FRMD4B: variants seen among roughly 807,000 people sequenced by gnomAD.
FRMD4B encodes FERM domain-containing protein 4B.
In FRMD4B, 74 loss-of-function variants were observed where a neutral mutation model predicts 141.5. That is an observed-to-expected ratio of 0.52 (90% CI 0.43 to 0.63). The LOEUF is 0.63. Among genes scored for constraint, FRMD4B ranks in the 30% least tolerant of loss-of-function variants. The pLI is 0.00. For missense variants in FRMD4B, 1,366 were observed against 1,253.4 expected (o/e 1.09, Z -1.36); for synonymous variants, 506 against 467.9 (o/e 1.08, Z -1.05).
chr3:69,285,239 CA>C lies in FRMD4B; in HGVS notation c.501+2512del, dbSNP rs560305754. Among the ~76,000 whole-genome samples, 447 of 122,532 alleles carry C rather than the reference CA, an allele frequency of 3.6e-3. 3 individuals carry two copies. The highest frequency in any genetic ancestry group is 0.011 in the African/African-American group (404 of 37,024). The allele number at this position is 122,532 out of a possible 152,430, so 80.4% of individuals were successfully genotyped here. On this transcript the variant is annotated intron_variant, in intron 5 of 22. Coordinates refer to ENST00000398540, the MANE Select transcript of FRMD4B (RefSeq NM_015123.3). ...ATGGGATTAATGGCAGATTAGATTG[CA>C]AAAAACAGATGAGGGAAACTGAAGA... is the stretch of plus-strand genomic sequence containing the variant.
At chr3:69,410,279 C>T (rs919004904) in intron 2 of FRMD4B, among the ~76,000 whole-genome samples, 2 of 152,182 alleles carry the variant, frequency 1.3e-5, no homozygotes, top group African/African-American at 4.8e-5. Flanking sequence ...CTCTGAAATT[C>T]CACTAAGTCT....
intron 8 of FRMD4B, among the ~76,000 whole-genome samples, chr3:69,222,977 A>G (rs72932160): frequency 1.3e-5 from 2 of 152,330 alleles, no homozygotes; most frequent in African/African-American, 4.8e-5. Context: ...GTTAGGCATT[A>G]AAGACTTTCT....
intron 2 of FRMD4B, among the ~76,000 whole-genome samples, chr3:69,393,918 A>T (rs1559844639): frequency 6.6e-6 from 1 of 152,230 alleles, no homozygotes; most frequent in Non-Finnish European, 1.5e-5. Flanking sequence ...AAAAGCATTT[A>T]TGGCAGCATT....
At chr3:69,336,185 G>A (rs192720734) in intron 1 of FRMD4B, among the ~76,000 whole-genome samples, 59 of 152,326 alleles carry the variant, frequency 3.9e-4, no homozygotes, top group Non-Finnish European at 7.5e-4. Context: ...TGGTCACCAA[G>A]AGGGAGAGAA....
chr3:69,267,636 TAGAGAGAGAGAGAGAGAG>T (rs55659743), intron 5 of FRMD4B, among the ~76,000 whole-genome samples: 68 of 32,894 alleles, frequency 2.1e-3, no homozygotes, highest in South Asian at 4.3e-3. Context: ...TATATATATA[TAGAGAGAGAGAGAGAGAG>T]AGAGAGAGAG....
At chr3:69,217,403 C>G (rs781679694) in intron 10 of FRMD4B, among the ~76,000 whole-genome samples, 5 of 151,894 alleles carry the variant, frequency 3.3e-5, no homozygotes, top group Non-Finnish European at 5.9e-5. Flanking sequence ...GGTGGATCAC[C>G]TGAGGTCAGG....
chr3:69,178,346 A>G (rs75165592), intron 21 of FRMD4B, among the ~76,000 whole-genome samples: 2,006 of 152,240 alleles, frequency 0.013, 27 homozygotes, highest in Middle Eastern at 0.024. Flanking sequence ...GCCATTTCCA[A>G]ACTGAAATCA....
chr3:69,174,463 C>G (rs955262916), intron 22 of FRMD4B, among the ~76,000 whole-genome samples: 6 of 152,142 alleles, frequency 3.9e-5, no homozygotes, highest in African/African-American at 1.4e-4. Context: ...AAAATGTTAA[C>G]AGCTGCTTTC....
At chr3:69,370,362 G>A (rs1703791466) in intron 1 of FRMD4B, among the ~76,000 whole-genome samples, 1 of 152,228 alleles carries the variant, frequency 6.6e-6, no homozygotes, top group Admixed American at 6.5e-5. Context: ...GGGCTGACAA[G>A]AACTGCAGAA....
chr3:69,321,875 TG>T (rs1702011728), intron 1 of FRMD4B, among the ~76,000 whole-genome samples: 1 of 152,136 alleles, frequency 6.6e-6, no homozygotes. Context: ...CCACCACACC[TG>T]GCTAATTTTT....
At chr3:69,519,984 C>G (rs1288815303) in intron 1 of FRMD4B, among the ~76,000 whole-genome samples, 1 of 123,674 alleles carries the variant, frequency 8.1e-6, no homozygotes, top group Non-Finnish European at 1.6e-5. Context: ...CTTTTTGTGG[C>G]TGAGTAGTAT....
intron 1 of FRMD4B, among the ~76,000 whole-genome samples, chr3:69,452,783 C>A (rs1705521530): frequency 6.6e-6 from 1 of 152,128 alleles, no homozygotes; most frequent in African/African-American, 2.4e-5. Flanking sequence ...AACTGTCTAG[C>A]AGAAACATAA....
At chr3:69,467,271 T>C (rs1228198478) in intron 1 of FRMD4B, among the ~76,000 whole-genome samples, 1 of 152,146 alleles carries the variant, frequency 6.6e-6, no homozygotes, top group African/African-American at 2.4e-5. Context: ...AGCTAGGAAA[T>C]ACTTCACCAA....
intron 11 of FRMD4B, among the ~76,000 whole-genome samples, chr3:69,205,963 G>C (rs2093020954): frequency 6.6e-6 from 1 of 152,216 alleles, no homozygotes; most frequent in South Asian, 2.1e-4. Flanking sequence ...GACTAGAAGA[G>C]TCAGCTGTGC....
At chr3:69,309,942 G>GAA (rs1701521619) in intron 3 of FRMD4B, among the ~76,000 whole-genome samples, 1 of 152,108 alleles carries the variant, frequency 6.6e-6, no homozygotes, top group Non-Finnish European at 1.5e-5. Flanking sequence ...ATGTGTGTGC[G>GAA]TGTTCAATCA....
At chr3:69,434,687 C>T (rs1705233684) in intron 1 of FRMD4B, among the ~76,000 whole-genome samples, 1 of 152,100 alleles carries the variant, frequency 6.6e-6, no homozygotes, top group Non-Finnish European at 1.5e-5. Context: ...ATAATTAAAG[C>T]ACTTGACTCC....
intron 1 of FRMD4B, among the ~76,000 whole-genome samples, chr3:69,518,915 G>A (rs939530877): frequency 1.3e-5 from 2 of 152,202 alleles, no homozygotes; most frequent in Non-Finnish European, 2.9e-5. Context: ...TCTGGGGGCA[G>A]TGGTTCTCAA....
intron 1 of FRMD4B, among the ~76,000 whole-genome samples, chr3:69,347,481 C>T (rs976220693): frequency 6.6e-6 from 1 of 152,150 alleles, no homozygotes; most frequent in Admixed American, 6.5e-5. Context: ...ACCAAGTGGA[C>T]CTAATAGACA....
chr3:69,452,538 C>A (rs1380246100), intron 1 of FRMD4B, among the ~76,000 whole-genome samples: 1 of 152,186 alleles, frequency 6.6e-6, no homozygotes, highest in Admixed American at 6.5e-5. Context: ...CCAGGGAAGC[C>A]TGGCACAGAG....
Sources: gnomAD v4.1 joint callset for allele counts (sites outside exome capture counted in the v4.1 genomes callset) on GRCh38, gnomAD v4.1.1 for gene constraint, MANE v1.5 for transcripts, NCBI Gene and HGNC (gene_info 2026-07-23, HGNC 2026-07-21) for gene names.